SHPRH: variants seen among roughly 807,000 people sequenced by gnomAD.
SHPRH encodes the protein SNF2 histone linker PHD RING helicase.
In SHPRH, 106 loss-of-function variants were observed where a neutral mutation model predicts 202.5. The ratio of observed to expected loss-of-function variants is 0.52; its 90% confidence interval spans 0.45 to 0.62. The LOEUF (loss-of-function observed/expected upper bound fraction) is 0.62. SHPRH is among the 20% of genes least tolerant of loss of function. The pLI is 0.00. For synonymous variants in SHPRH, 729 were observed against 686.0 expected (o/e 1.06, Z -0.98); for missense variants, 1,710 against 2,020.0 (o/e 0.85, Z 2.94).
chr6:145,935,361 A>G lies in SHPRH; in HGVS notation c.2650T>C (p.Tyr884His), dbSNP rs184688655. ...AGATGCTGAGGATTCTTCTTGCAGT[A>G]AGGCCGATAGAGAAGTCGAACCCAC... is the stretch of plus-strand genomic sequence containing the variant. ...HWWVRLLYRP[Y>H]CKKNPQHLYS... Residue 884 changes from tyrosine to histidine, a missense_variant, in exon 12 of 30, where the codon TAC (tyrosine) becomes CAC (histidine). Tyr to His is a moderately conservative substitution (Grantham distance 83). Coordinates refer to ENST00000275233, the MANE Select transcript of SHPRH (RefSeq NM_001042683.3). The G allele has an allele frequency of 8.7e-6, 14 of 1,614,040 alleles. No homozygotes were observed. The Admixed American group carries it at 2.3e-4, about 27-fold the overall frequency.
rs913430724 is a variant in SHPRH, at chr6:145,867,475, C to T, written c.222-2984G>A. On this transcript the variant is annotated intron_variant, in intron 2 of 2. Coordinates refer to the SHPRH transcript ENST00000417762. ...CTCCATGCAGTCACAGGTGTCACTACAAGAGAGAGGCAAAATGAAACAGGA... is the reference window on the plus strand; with the variant it reads ...CTCCATGCAGTCACAGGTGTCACTATAAGAGAGAGGCAAAATGAAACAGGA... Among the ~76,000 whole-genome samples the T allele has an allele frequency of 8.6e-5, 13 of 151,348 alleles. No homozygotes were observed. The South Asian group carries it at 1.5e-3, about 17-fold the overall frequency.
chr6:145,950,168 G>A, intron 4 of SHPRH, 96 bp downstream of exon 4: 1 of 944,754 alleles, frequency 1.1e-6, no homozygotes, highest in South Asian at 1.7e-5. Flanking sequence ...TATATTTTCA[G>A]GATGTTTATT....
At chr6:145,864,420 G>A in exon 3 of SHPRH, 2 of 419,266 alleles carry the variant, frequency 4.8e-6, no homozygotes, top group South Asian at 1.9e-5. Flanking sequence ...TAGAATGGCA[G>A]TTGTCAGGGA....
intron 1 of SHPRH, among the ~76,000 whole-genome samples, chr6:145,959,055 TTGAACTCC>T (rs1366895171): frequency 1.3e-5 from 2 of 152,072 alleles, no homozygotes; most frequent in Admixed American, 6.6e-5. Flanking sequence ...CAGGATGGTT[TTGAACTCC>T]TGAACTCAAG....
chr6:145,867,373 G>GA (rs1413004276), intron 2 of SHPRH, among the ~76,000 whole-genome samples: 1 of 151,434 alleles, frequency 6.6e-6, no homozygotes. Flanking sequence ...ATCTTATATG[G>GA]AAAAATGACT....
Position 145,943,658 on chromosome 6 carries a change from T to G in SHPRH, c.1723A>C (p.Lys575Gln), listed in dbSNP as rs751313515. ...YYYKSRRNRSKLRKKLVPSTK... is the reference protein window; with the variant it reads ...YYYKSRRNRSQLRKKLVPSTK... ...GATGGAACAAGCTTTTTCCTCAATTTACTGCGATTTCTCCTGGACTTATAA... is the reference window on the plus strand; with the variant it reads ...GATGGAACAAGCTTTTTCCTCAATTGACTGCGATTTCTCCTGGACTTATAA... The change falls in exon 9 of 30, where the codon AAA (lysine) becomes CAA (glutamine). Residue 575 changes from lysine (K) to glutamine (Q), a missense_variant. Transcript: ENST00000275233. 1 of 1,613,972 alleles carries G rather than the reference T, an allele frequency of 6.2e-7. No individual in the cohort carries two copies. The highest frequency in any genetic ancestry group is 8.5e-7 in the Non-Finnish European group (1 of 1,179,920).
chr6:145,914,032 T>C (rs931577028), intron 23 of SHPRH, among the ~76,000 whole-genome samples: 1 of 152,188 alleles, frequency 6.6e-6, no homozygotes, highest in Non-Finnish European at 1.5e-5. Context: ...TCTTACCATA[T>C]AGATTCCAAT....
intron 25 of SHPRH, among the ~76,000 whole-genome samples, chr6:145,900,577 C>T (rs1782411512): frequency 6.6e-6 from 1 of 152,104 alleles, no homozygotes; most frequent in Non-Finnish European, 1.5e-5. Context: ...ATCTATTATA[C>T]AGCATGGTGA....
intron 11 of SHPRH, among the ~76,000 whole-genome samples, chr6:145,939,880 T>C (rs572895032): frequency 6.6e-6 from 1 of 152,280 alleles, no homozygotes; most frequent in East Asian, 1.9e-4. Flanking sequence ...GAGTGAGTTA[T>C]GCTGCTGAAA....
chr6:145,860,987 G>T (rs750618900), downstream of SHPRH, among the ~76,000 whole-genome samples: 2 of 151,876 alleles, frequency 1.3e-5, no homozygotes, highest in African/African-American at 4.8e-5. Flanking sequence ...AAATTAACTC[G>T]AAATGGATTA....
downstream of SHPRH, among the ~76,000 whole-genome samples, chr6:145,882,962 A>G (rs1388657524): frequency 6.6e-6 from 1 of 152,190 alleles, no homozygotes; most frequent in Non-Finnish European, 1.5e-5. Context: ...AAGATCCCAT[A>G]GGTCGAAAAT....
intron 15 of SHPRH, 62 bp from the exon 16 acceptor site, chr6:145,926,358 A>C: frequency 7.5e-7 from 1 of 1,336,760 alleles, no homozygotes; most frequent in Non-Finnish European, 1.1e-6. Context: ...AAGAGAACCT[A>C]ATATTAATAT....
rs2128771175 is a variant in SHPRH at position 145,937,031 on chromosome 6, T to C, written c.2570-1590A>G. Among the ~76,000 whole-genome samples the C allele has an allele frequency of 1.4e-5, 2 of 146,940 alleles. 1 individual carries two copies. Among genetic ancestry groups the C allele is most frequent in the East Asian group, 4.1e-4 (2 of 4,896 alleles). Reference sequence around the variant, plus strand: ...CAGAGTCTTGCTCTGTCGCCCAGGCTGGAGGGCAACGGTGCAATCTCAGCT... The same window carrying C: ...CAGAGTCTTGCTCTGTCGCCCAGGCCGGAGGGCAACGGTGCAATCTCAGCT... On this transcript the variant is annotated intron_variant, in intron 11 of 29. Transcript: ENST00000275233.
rs1789350009 is a variant in SHPRH at position 145,963,718 on chromosome 6, G to T, written c.-33+13C>A. On this transcript the variant is annotated intron_variant, in intron 1 of 29. Transcript: ENST00000275233. ...CAGCCTCCGGGGGTAGATCTGCGGC[G>T]CACGGTACCCACTCAGTTATCTTCC... 6.6e-6 allele frequency: 1 copy of T among 152,138 alleles called. No individual in the cohort carries two copies. The highest frequency in any genetic ancestry group is 1.5e-5 in the Non-Finnish European group (1 of 68,046). 9.4% of individuals were successfully genotyped at this position (152,138 alleles called of 1,614,324 possible). A position where few individuals can be genotyped will look rare whatever the true frequency, so the allele number is the denominator to read the frequency against.
At chr6:145,931,800 A>G (rs778729311) in intron 14 of SHPRH, among the ~76,000 whole-genome samples, 1 of 152,098 alleles carries the variant, frequency 6.6e-6, no homozygotes, top group Non-Finnish European at 1.5e-5. Context: ...TAATCTTACA[A>G]TATTATACAT....
chr6:145,961,465 G>A (rs964984050), intron 1 of SHPRH, among the ~76,000 whole-genome samples: 1 of 152,162 alleles, frequency 6.6e-6, no homozygotes, highest in Non-Finnish European at 1.5e-5. Flanking sequence ...GCTTGGTTTG[G>A]TCCTGTGACC....
At chr6:145,876,885 ATG>A (rs1252279680) in intron 2 of SHPRH, 1 of 152,236 alleles carries the variant, frequency 6.6e-6, no homozygotes, top group East Asian at 1.9e-4. Flanking sequence ...GGGAAACACC[ATG>A]TGAGGATACA....
At chr6:145,936,958 T>C (rs938419783) in intron 11 of SHPRH, among the ~76,000 whole-genome samples, 1 of 151,098 alleles carries the variant, frequency 6.6e-6, no homozygotes, top group Non-Finnish European at 1.5e-5. Context: ...ATTCATAATC[T>C]TTTTGCACAC....
intron 14 of SHPRH, among the ~76,000 whole-genome samples, chr6:145,930,002 CAA>C (rs1785268118): frequency 6.6e-6 from 1 of 152,060 alleles, no homozygotes; most frequent in African/African-American, 2.4e-5. Flanking sequence ...ATTTTATTGA[CAA>C]AGACACTGAA....
Sources: allele counts gnomAD v4.1 joint callset (sites outside exome capture counted in the v4.1 genomes callset), GRCh38; gene constraint gnomAD v4.1.1; transcripts MANE v1.5; gene names NCBI Gene and HGNC (gene_info 2026-07-23, HGNC 2026-07-21).